GALNT1: variants seen among roughly 807,000 people sequenced by gnomAD.
GALNT1 encodes polypeptide N-acetylgalactosaminyltransferase 1, also known as GalNAc transferase 1.
Under a neutral mutation model 65.7 loss-of-function variants are expected in GALNT1, and 17 were observed. The ratio of observed to expected loss-of-function variants is 0.26; its 90% CI spans 0.18 to 0.39. The LOEUF is 0.39. Among genes scored for constraint, GALNT1 ranks in the 10% least tolerant of loss-of-function variants. The pLI is 1.00. For synonymous variants in GALNT1, 210 were observed against 219.7 expected, an observed-to-expected ratio of 0.96 and a Z score of 0.39; for missense variants, 460 against 672.8, an observed-to-expected ratio of 0.68 and a Z score of 3.50.
At chr18:35,614,753 G>T (rs1348717995) in intron 1 of GALNT1, among the ~76,000 whole-genome samples, 1 of 152,090 alleles carries the variant, frequency 6.6e-6, no homozygotes, top group African/African-American at 2.4e-5. Flanking sequence ...TCCAGAATCT[G>T]CAAGGAATGC....
At chr18:35,645,218 G>GTTTTTTTTT (rs1166987925) in intron 1 of GALNT1, among the ~76,000 whole-genome samples, 1 of 54,366 alleles carries the variant, frequency 1.8e-5, no homozygotes, top group Non-Finnish European at 3.4e-5. Flanking sequence ...TATTTTGAAT[G>GTTTTTTTTT]TTTTTTTTTT....
chr18:35,609,978 T>C (rs926177858), intron 1 of GALNT1, among the ~76,000 whole-genome samples: 4 of 152,298 alleles, frequency 2.6e-5, no homozygotes, highest in African/African-American at 9.6e-5. Flanking sequence ...GGAACACAGA[T>C]CATTTCAATT....
intron 1 of GALNT1, among the ~76,000 whole-genome samples, chr18:35,605,138 C>G (rs2046630008): frequency 6.6e-6 from 1 of 152,154 alleles, no homozygotes; most frequent in Non-Finnish European, 1.5e-5. Flanking sequence ...GTTTCATAGT[C>G]TAGTAGCCCC....
chr18:35,588,997 T>C (rs911910499), intron 1 of GALNT1, among the ~76,000 whole-genome samples: 2 of 152,204 alleles, frequency 1.3e-5, no homozygotes, highest in African/African-American at 4.8e-5. Flanking sequence ...TTTTATATTA[T>C]ACTATGAGAT....
chr18:35,616,207 G>A (rs2046781855), intron 1 of GALNT1, among the ~76,000 whole-genome samples: 1 of 152,150 alleles, frequency 6.6e-6, no homozygotes, highest in Non-Finnish European at 1.5e-5. Flanking sequence ...CAAGGTAAAG[G>A]ATACAGGTTT....
At chr18:35,637,398 A>G (rs1256690611) in intron 1 of GALNT1, among the ~76,000 whole-genome samples, 1 of 152,222 alleles carries the variant, frequency 6.6e-6, no homozygotes, top group East Asian at 1.9e-4. Context: ...ACAAATGATA[A>G]GAAAGCAGAA....
chr18:35,618,313 T>C (rs1028172036), intron 1 of GALNT1, among the ~76,000 whole-genome samples: 1 of 152,246 alleles, frequency 6.6e-6, no homozygotes, highest in Admixed American at 6.5e-5. Flanking sequence ...TTTAAAAAAT[T>C]TTAGTTATTC....
At chr18:35,703,079 G>T in intron 10 of GALNT1, 84 bp downstream of exon 10, 2 of 716,882 alleles carry the variant, frequency 2.8e-6, no homozygotes, top group South Asian at 2.7e-5. Context: ...ACATCATTCA[G>T]GAAATATTTT....
chr18:35,663,638 A>C lies in GALNT1; in HGVS notation c.150A>C (p.Pro50=). The C allele has an allele frequency of 6.2e-7, 1 of 1,609,870 alleles. No homozygotes were observed. Among genetic ancestry groups the C allele is most frequent in the South Asian group, 1.1e-5 (1 of 90,680 alleles). ...RGLPAGDVLE[P]VQKPHEGPGE... ...TCTTCCTATTCTTAGTTCTAGAGCC[A>C]GTACAAAAGCCTCATGAAGGTCCTG... The change falls in exon 3 of 12, where the codon CCA becomes CCC. Residue 50 remains proline (P), a synonymous_variant. Coordinates refer to ENST00000269195, the MANE Select transcript of GALNT1 (RefSeq NM_020474.4).
intron 3 of GALNT1, among the ~76,000 whole-genome samples, chr18:35,673,735 C>A (rs1222306382): frequency 1.3e-5 from 2 of 152,032 alleles, no homozygotes; most frequent in African/African-American, 4.8e-5. Context: ...CTGCATCCAG[C>A]CAGAGTAGGA....
chr18:35,655,211 A>G (rs2047366394), intron 2 of GALNT1, among the ~76,000 whole-genome samples: 1 of 152,078 alleles, frequency 6.6e-6, no homozygotes, highest in Admixed American at 6.6e-5. Flanking sequence ...CCTAAGGGGA[A>G]GAAATTTTTA....
rs1249813757 is a variant in GALNT1 at position 35,639,680 on chromosome 18, T to G, written c.-103-14880T>G. Among the ~76,000 whole-genome samples the G allele has an allele frequency of 4.6e-5, 7 of 152,352 alleles. No individual in the cohort carries two copies. In the East Asian group the frequency reaches 7.7e-4, roughly 17 times the overall value. On this transcript the variant is annotated intron_variant, in intron 1 of 11. Transcript: ENST00000269195. ...ACATTTTTGGAATTTTATTTTAGAC[T>G]TCTCTTGAGTTTGGCTTTTTTTCCC... is the stretch of plus-strand genomic sequence containing the variant.
In GALNT1 at chr18:35,702,909, G is replaced by A. The variant is rs1443269571; in HGVS notation, c.1312G>A (p.Glu438Lys). The change falls in exon 10 of 12, where the codon GAA becomes AAA. Residue 438 changes from glutamate (E) to lysine (K), a missense_variant. Coordinates refer to ENST00000269195, the MANE Select transcript of GALNT1 (RefSeq NM_020474.4). The part of the protein sequence containing the change: ...YFSLGEIRNV[E>K]TNQCLDNMAR... ...TATTGTCCCATAGATACGAAATGTG[G>A]AAACGAATCAGTGTCTAGATAACAT... 2.5e-6 allele frequency: 4 copies of A among 1,597,258 alleles called. No individual in the cohort carries two copies. The highest frequency in any genetic ancestry group is 3.4e-6 in the Non-Finnish European group (4 of 1,174,970).
intron 11 of GALNT1, among the ~76,000 whole-genome samples, chr18:35,705,853 C>G (rs954050074): frequency 1.3e-5 from 2 of 152,108 alleles, no homozygotes; most frequent in Non-Finnish European, 2.9e-5. Flanking sequence ...TTAGCTTTTC[C>G]TTGTGGCCAC....
intron 1 of GALNT1, among the ~76,000 whole-genome samples, chr18:35,591,227 T>A (rs1227684080): frequency 6.6e-6 from 1 of 152,204 alleles, no homozygotes; most frequent in Non-Finnish European, 1.5e-5. Context: ...CAGGAGCTTT[T>A]CACTGGAAAT....
At chr18:35,638,730 T>A (rs1259308207) in intron 1 of GALNT1, among the ~76,000 whole-genome samples, 1 of 152,174 alleles carries the variant, frequency 6.6e-6, no homozygotes, top group Non-Finnish European at 1.5e-5. Flanking sequence ...ATAGCTCCCA[T>A]AGACAGTGAT....
intron 11 of GALNT1, among the ~76,000 whole-genome samples, chr18:35,705,192 T>C (rs1173125919): frequency 1.3e-5 from 2 of 152,180 alleles, no homozygotes; most frequent in East Asian, 1.9e-4. Context: ...CCTTATACTT[T>C]CCTAGTTCAC....
At chr18:35,697,468 T>C (rs1307796656) in intron 9 of GALNT1, among the ~76,000 whole-genome samples, 16 of 152,218 alleles carry the variant, frequency 1.1e-4, no homozygotes, top group Admixed American at 1.0e-3. Flanking sequence ...TCATGATATA[T>C]TAAAAGGCTT....
rs551790824 is a variant in GALNT1 at position 35,679,719 on chromosome 18, G to A, written c.481+1962G>A. On this transcript the variant is annotated intron_variant, in intron 4 of 11. Coordinates refer to ENST00000269195, the MANE Select transcript of GALNT1 (RefSeq NM_020474.4). ...TGGGAGACAGTAGATCTTTGTTTTT[G>A]TGGTTATAATTTGCAGTCTTGCTTT... Among the ~76,000 whole-genome samples the A allele has an allele frequency of 4.6e-5, 7 of 151,214 alleles. No individual in the cohort carries two copies. The East Asian group carries it at 1.4e-3, about 29-fold the overall frequency.
Sources: gnomAD v4.1 joint callset for allele counts (sites outside exome capture counted in the v4.1 genomes callset) on GRCh38, gnomAD v4.1.1 for gene constraint, MANE v1.5 for transcripts, NCBI Gene and HGNC (gene_info 2026-07-23, HGNC 2026-07-21) for gene names.